The following ARID4A variants were observed in gnomAD, a reference collection of about 807,000 sequenced individuals.
The protein encoded by ARID4A is AT-rich interaction domain 4A, also known as AT-rich interactive domain-containing protein 4A.
ARID4A carries 39 observed loss-of-function variants against 148.6 expected under a neutral mutation model. That is an observed-to-expected ratio of 0.26 (90% CI 0.20 to 0.34). The LOEUF is 0.34. Among genes scored for constraint, ARID4A ranks in the 10% least tolerant of loss-of-function variants. The pLI is 1.00. For synonymous variants in ARID4A, 475 were observed against 481.2 expected (o/e 0.99, Z 0.17); for missense variants, 1,265 against 1,449.1 (o/e 0.87, Z 2.06).
At chr14:58,325,713 A>G (rs991673885) in intron 8 of ARID4A, among the ~76,000 whole-genome samples, 8 of 152,176 alleles carry the variant, frequency 5.3e-5, no homozygotes, top group Non-Finnish European at 1.0e-4. Context: ...TTAGGTTTCT[A>G]TGTGCATGTA....
chr14:58,344,929 G>T (rs2034282295), intron 12 of ARID4A, among the ~76,000 whole-genome samples, 162 bp downstream of exon 12: 1 of 152,132 alleles, frequency 6.6e-6, no homozygotes, highest in Non-Finnish European at 1.5e-5. Flanking sequence ...CTGGAGTGCA[G>T]TGATTTGCTC....
chr14:58,367,160 C>A, intron 23 of ARID4A, 131 bp downstream of exon 23: 1 of 722,376 alleles, frequency 1.4e-6, no homozygotes, highest in Non-Finnish European at 2.0e-6. Flanking sequence ...CTAGTGTTTT[C>A]TATTGTTGAA....
chr14:58,360,262 C>T (rs553751288), intron 18 of ARID4A, among the ~76,000 whole-genome samples: 1 of 152,120 alleles, frequency 6.6e-6, no homozygotes, highest in African/African-American at 2.4e-5. Flanking sequence ...CCGTGACAAA[C>T]GAGAGGTCAC....
At chr14:58,310,984 G>A (rs1430520344) in intron 5 of ARID4A, among the ~76,000 whole-genome samples, 1 of 152,134 alleles carries the variant, frequency 6.6e-6, no homozygotes, top group Non-Finnish European at 1.5e-5. Flanking sequence ...GGTGGCTCAC[G>A]CCTGTAATCC....
chr14:58,322,474 C>T (rs2032954528), intron 7 of ARID4A, among the ~76,000 whole-genome samples: 1 of 151,944 alleles, frequency 6.6e-6, no homozygotes, highest in Non-Finnish European at 1.5e-5. Context: ...AAAGGAAATA[C>T]AGGAAAGATC....
At chr14:58,360,802 A>G in intron 18 of ARID4A, 99 bp from the exon 19 acceptor site, 1 of 1,285,992 alleles carries the variant, frequency 7.8e-7, no homozygotes, top group Non-Finnish European at 1.1e-6. Flanking sequence ...CATATAAAAT[A>G]TCAAACCTTT....
intron 1 of ARID4A, chr14:58,299,549 A>C (rs1477984276): frequency 4.0e-6 from 2 of 503,902 alleles, no homozygotes; most frequent in Non-Finnish European, 7.3e-6. Context: ...TCCGGGTCAA[A>C]GTGGCCAGCG....
At chr14:58,318,894 G>T (rs2032652923) in intron 7 of ARID4A, 89 bp downstream of exon 7, 1 of 1,071,070 alleles carries the variant, frequency 9.3e-7, no homozygotes, top group Non-Finnish European at 1.4e-6. Flanking sequence ...ATTCATTTGG[G>T]TAAGCTTTCC....
chr14:58,361,733 G>T (rs1040197249), intron 19 of ARID4A, among the ~76,000 whole-genome samples: 1 of 152,092 alleles, frequency 6.6e-6, no homozygotes, highest in South Asian at 2.1e-4. Flanking sequence ...ACTAGCTTGG[G>T]GTTGCTGAAG....
At chr14:58,329,317 A>G (rs919497728) in intron 9 of ARID4A, among the ~76,000 whole-genome samples, 4 of 152,202 alleles carry the variant, frequency 2.6e-5, no homozygotes, top group East Asian at 1.9e-4. Flanking sequence ...GAGGCTCTCA[A>G]TGTACTTTGA....
intron 5 of ARID4A, among the ~76,000 whole-genome samples, chr14:58,306,848 C>T (rs908378609): frequency 6.6e-6 from 1 of 152,178 alleles, no homozygotes; most frequent in Non-Finnish European, 1.5e-5. Context: ...CACTGCACTC[C>T]AGCCTGGGCG....
chr14:58,370,008 A>T (rs2035533540), intron 23 of ARID4A: 1 of 152,214 alleles, frequency 6.6e-6, no homozygotes, highest in African/African-American at 2.4e-5. Context: ...GATTTAGTGG[A>T]TGACTTTGTG....
chr14:58,307,307 C>T (rs1022651644), intron 5 of ARID4A, among the ~76,000 whole-genome samples: 1 of 152,216 alleles, frequency 6.6e-6, no homozygotes, highest in Non-Finnish European at 1.5e-5. Context: ...CCAGTTGATG[C>T]TCAGTGTTGT....
chr14:58,370,549 G>A (rs1227706288), intron 23 of ARID4A, among the ~76,000 whole-genome samples: 1 of 152,026 alleles, frequency 6.6e-6, no homozygotes, highest in Non-Finnish European at 1.5e-5. Flanking sequence ...TGCCCACCTC[G>A]TCCTCCCAAA....
At chr14:58,317,372 C>T (rs1362190961) in intron 5 of ARID4A, among the ~76,000 whole-genome samples, 1 of 147,760 alleles carries the variant, frequency 6.8e-6, no homozygotes, top group South Asian at 2.1e-4. Flanking sequence ...GCAAGCTCCG[C>T]CTCCTGGGTT....
chr14:58,337,802 C>T (rs751688820), intron 11 of ARID4A, among the ~76,000 whole-genome samples: 20 of 152,162 alleles, frequency 1.3e-4, no homozygotes, highest in Non-Finnish European at 2.4e-4. Context: ...GTTTTCCCTT[C>T]GAATTCATTA....
intron 5 of ARID4A, among the ~76,000 whole-genome samples, chr14:58,316,807 C>T (rs376548790): frequency 1.1e-3 from 166 of 152,046 alleles, no homozygotes; most frequent in African/African-American, 3.7e-3. Flanking sequence ...CTCGAACTCC[C>T]GACCTCAGGT....
intron 15 of ARID4A, among the ~76,000 whole-genome samples, chr14:58,348,756 A>G (rs544021332): frequency 6.0e-4 from 92 of 152,342 alleles, no homozygotes; most frequent in African/African-American, 2.2e-3. Flanking sequence ...TTCAGAAACC[A>G]GTTTTCAAAA....
chr14:58,316,910 A>G lies in ARID4A; in HGVS notation c.275-1632A>G, dbSNP rs559441913. Among the ~76,000 whole-genome samples the G allele has an allele frequency of 4.0e-3, 64 of 16,032 alleles. 1 individual carries two copies. In the South Asian group the frequency reaches 0.12, roughly 30 times the overall value. 10.5% of individuals were successfully genotyped at this position (16,032 alleles called of 152,430 possible). ...GTATGATTTTTTAAAATATGTACTAAAGGCCAGGCGCGGTGCTCACGCCTG... is the reference window on the plus strand; with the variant it reads ...GTATGATTTTTTAAAATATGTACTAGAGGCCAGGCGCGGTGCTCACGCCTG... On this transcript the variant is annotated intron_variant, in intron 5 of 23. Transcript: ENST00000355431.
Sources: gnomAD v4.1 joint callset for allele counts (sites outside exome capture counted in the v4.1 genomes callset) on GRCh38, gnomAD v4.1.1 for gene constraint, MANE v1.5 for transcripts, NCBI Gene and HGNC (gene_info 2026-07-23, HGNC 2026-07-21) for gene names.